BICC1: variants seen among roughly 807,000 people sequenced by gnomAD.
BICC1 encodes BicC family RNA binding protein 1, also known as protein bicaudal C homolog 1.
A neutral mutation model predicts 111.0 loss-of-function variants in BICC1; 43 were observed. The ratio of observed to expected loss-of-function variants is 0.39; its 90% CI spans 0.30 to 0.50. BICC1 has a LOEUF of 0.50. Among genes scored for constraint, BICC1 ranks in the 20% least tolerant of loss-of-function variants. The pLI, the probability that BICC1 is intolerant of heterozygous loss-of-function variation, is 0.88. For missense variants in BICC1, 1,091 were observed against 1,203.2 expected (o/e 0.91, Z 1.38); for synonymous variants, 467 against 434.4 (o/e 1.07, Z -0.93).
At chr10:58,596,054 A>G (rs1045345893) in intron 1 of BICC1, among the ~76,000 whole-genome samples, 2 of 152,238 alleles carry the variant, frequency 1.3e-5, no homozygotes, top group African/African-American at 2.4e-5. Flanking sequence ...CAGAAATACA[A>G]ACTACTATCA....
At position 58,673,625 on chromosome 10, in the gene BICC1, TC is replaced by T. The variant is rs568723345; in HGVS notation, c.238-28448del. ...TATTACCACATTCTTGTTATTTTTT[TC>T]ATTTTTATTTTTTGTGATTGAGTCT... On this transcript the variant is annotated intron_variant, in intron 2 of 20. Transcript: ENST00000373886. 1.7e-4 allele frequency among the ~76,000 whole-genome samples: 26 copies of T among 152,258 alleles called. No homozygotes were observed. In the East Asian group the frequency reaches 4.6e-3, roughly 27 times the overall value.
intron 3 of BICC1, among the ~76,000 whole-genome samples, chr10:58,761,303 A>G (rs753143411): frequency 2.0e-5 from 3 of 152,186 alleles, no homozygotes; most frequent in African/African-American, 7.2e-5. Context: ...TTCCTTTCCA[A>G]TTCGAAGAGG....
intron 17 of BICC1, among the ~76,000 whole-genome samples, chr10:58,810,971 C>A (rs907998722): frequency 1.3e-5 from 2 of 152,108 alleles, no homozygotes; most frequent in African/African-American, 4.8e-5. Flanking sequence ...TTGCTTGAGG[C>A]AAGAATCTGA....
rs138410431 is a variant in BICC1 at position 58,714,999 on chromosome 10, C to T, written c.307+12856C>T. On this transcript the variant is annotated intron_variant, in intron 3 of 20. Transcript: ENST00000373886. Reference sequence around the variant, plus strand: ...CTGAGGCAGGAGAATTGCTTGAACCCGGGAGGTGGAGTGAGCCAAGATCTA... The same window carrying T: ...CTGAGGCAGGAGAATTGCTTGAACCTGGGAGGTGGAGTGAGCCAAGATCTA... Among the ~76,000 whole-genome samples the T allele has an allele frequency of 6.0e-3, 903 of 151,614 alleles. 10 individuals carry two copies. Among genetic ancestry groups the T allele is most frequent in the African/African-American group, 0.021 (859 of 41,322 alleles).
chr10:58,803,802 T>G (rs1192160804), intron 15 of BICC1, among the ~76,000 whole-genome samples: 1 of 152,240 alleles, frequency 6.6e-6, no homozygotes, highest in African/African-American at 2.4e-5. Flanking sequence ...ATAGGAACTT[T>G]CTGTGTTTCC....
chr10:58,787,635 G>A (rs990336385), intron 5 of BICC1, among the ~76,000 whole-genome samples: 2 of 152,144 alleles, frequency 1.3e-5, no homozygotes, highest in African/African-American at 4.8e-5. Flanking sequence ...GTGATATTTG[G>A]AAGTATTCTC....
At position 58,796,402 on chromosome 10, in the gene BICC1, C is replaced by G. The variant is rs761004250; in HGVS notation, c.1242C>G (p.Leu414=). ...ALNMYEARKC[L]LGLESSGVTI... The stretch of plus-strand genomic sequence containing the variant: ...ATATGTATGAAGCAAGGAAATGTCT[C>G]CTCGGACTTGAAAGCAGTGGGGTTA... Residue 414 remains leucine, a synonymous_variant, in exon 10 of 21, where the codon CTC becomes CTG. Transcript: ENST00000373886. The G allele has an allele frequency of 1.2e-6, 2 of 1,614,084 alleles. No individual in the cohort carries two copies. The highest frequency in any genetic ancestry group is 2.2e-5 in the South Asian group (2 of 91,082).
chr10:58,817,508 C>T (rs1457264186), intron 18 of BICC1, 54 bp from the exon 19 acceptor site: 1 of 1,596,988 alleles, frequency 6.3e-7, no homozygotes, highest in Non-Finnish European at 8.6e-7. Flanking sequence ...TTTAATTAAA[C>T]CATGTTCTCT....
chr10:58,712,784 A>G (rs1377732954), intron 3 of BICC1, among the ~76,000 whole-genome samples: 1 of 152,176 alleles, frequency 6.6e-6, no homozygotes, highest in Non-Finnish European at 1.5e-5. Context: ...ACTATATGTC[A>G]TTGTACATTT....
chr10:58,796,281 C>T (rs1843349905), intron 9 of BICC1, 59 bp from the exon 10 acceptor site: 2 of 1,438,202 alleles, frequency 1.4e-6, no homozygotes, highest in African/African-American at 1.4e-5. Flanking sequence ...CCTCCCCTCC[C>T]CCATTCATTG....
At chr10:58,655,022 G>T (rs1276778218) in intron 2 of BICC1, among the ~76,000 whole-genome samples, 2 of 143,270 alleles carry the variant, frequency 1.4e-5, no homozygotes, top group African/African-American at 2.6e-5. Context: ...TGAGGGCTCT[G>T]TTCTGTTCCA....
At chr10:58,577,759 A>C (rs1165795356) in intron 1 of BICC1, among the ~76,000 whole-genome samples, 3 of 152,234 alleles carry the variant, frequency 2.0e-5, no homozygotes, top group African/African-American at 7.2e-5. Flanking sequence ...TTAATCTAAA[A>C]TATGTCCTTA....
chr10:58,571,242 C>G (rs962968212), intron 1 of BICC1, among the ~76,000 whole-genome samples: 1 of 152,140 alleles, frequency 6.6e-6, no homozygotes, highest in Non-Finnish European at 1.5e-5. Flanking sequence ...CTGGGCCTAT[C>G]CAAATACCAA....
chr10:58,765,315 C>T (rs1346930730), intron 3 of BICC1, among the ~76,000 whole-genome samples: 1 of 151,936 alleles, frequency 6.6e-6, no homozygotes, highest in African/African-American at 2.4e-5. Context: ...CTCAGCCTCC[C>T]AAAAGTGCTG....
intron 1 of BICC1, among the ~76,000 whole-genome samples, chr10:58,557,910 A>G (rs1178236383): frequency 1.3e-5 from 2 of 152,006 alleles, no homozygotes. Context: ...ACATTGTAAT[A>G]TTACCCTTTT....
At chr10:58,717,357 TA>T (rs1162061082) in intron 3 of BICC1, among the ~76,000 whole-genome samples, 1 of 3,028 alleles carries the variant, frequency 3.3e-4, no homozygotes, top group Non-Finnish European at 7.9e-4. Context: ...GGGTTTTGAT[TA>T]AAAAAAAAAA....
intron 3 of BICC1, among the ~76,000 whole-genome samples, chr10:58,749,988 A>C (rs1841939938): frequency 6.6e-6 from 1 of 152,174 alleles, no homozygotes; most frequent in South Asian, 2.1e-4. Context: ...AACAAATCTA[A>C]GTGCAGAGAT....
At chr10:58,586,409 T>C (rs998241902) in intron 1 of BICC1, among the ~76,000 whole-genome samples, 2 of 152,124 alleles carry the variant, frequency 1.3e-5, no homozygotes. Flanking sequence ...GCTGAGTACT[T>C]TCTCCGTGTC....
chr10:58,800,069 C>G lies in BICC1; in HGVS notation c.1726-125C>G, dbSNP rs188125022. ...TCTCCTTGTAGATATATTTCATCTC[C>G]TTAGTTAGAAGTATTCCAGGGTGGT... is the stretch of plus-strand genomic sequence containing the variant. On this transcript the variant is annotated intron_variant, in intron 12 of 20. Transcript: ENST00000373886. 1.6e-4 allele frequency: 101 copies of G among 644,972 alleles called. 1 individual carries two copies. In the East Asian group the frequency reaches 2.7e-3, roughly 17 times the overall value. 40.0% of individuals were successfully genotyped at this position (644,972 alleles called of 1,614,324 possible).
Sources: allele counts gnomAD v4.1 joint callset (sites outside exome capture counted in the v4.1 genomes callset), GRCh38; gene constraint gnomAD v4.1.1; transcripts MANE v1.5; gene names NCBI Gene and HGNC (gene_info 2026-07-23, HGNC 2026-07-21).